The following IGSF11 variants were observed in gnomAD, a reference collection of about 807,000 sequenced individuals.
The protein encoded by IGSF11 is CXADR like 1.
In IGSF11, 22 loss-of-function variants were observed where a neutral mutation model predicts 41.0. That is an observed-to-expected ratio of 0.54 (90% CI 0.38 to 0.77). IGSF11 has a LOEUF of 0.77. Among genes scored for constraint, IGSF11 ranks in the 30% least tolerant of loss-of-function variants. The probability of loss-of-function intolerance (pLI) is 0.00; values close to 1 mark genes in which losing one functional copy is unlikely to be tolerated. For synonymous variants in IGSF11, 219 were observed against 201.3 expected (o/e 1.09, Z -0.74); for missense variants, 444 against 530.8 (o/e 0.84, Z 1.61).
intron 1 of IGSF11, among the ~76,000 whole-genome samples, chr3:119,096,254 C>A (rs1271717396): frequency 6.6e-6 from 1 of 151,862 alleles, no homozygotes; most frequent in Admixed American, 6.6e-5. Context: ...CTGGTCTACC[C>A]CTTATGGCCC....
chr3:119,055,172 A>G (rs1410980011), intron 1 of IGSF11, among the ~76,000 whole-genome samples: 1 of 152,224 alleles, frequency 6.6e-6, no homozygotes, highest in Non-Finnish European at 1.5e-5. Context: ...CCAAACACCC[A>G]TCTGTACATC....
chr3:118,980,095 C>G (rs1353868433), intron 1 of IGSF11, among the ~76,000 whole-genome samples: 1 of 152,034 alleles, frequency 6.6e-6, no homozygotes, highest in African/African-American at 2.4e-5. Flanking sequence ...CTATGGAAAA[C>G]AATATGGACA....
upstream of IGSF11, among the ~76,000 whole-genome samples, chr3:119,106,562 C>A (rs546378606): frequency 2.0e-5 from 3 of 152,164 alleles, no homozygotes; most frequent in African/African-American, 7.2e-5. Context: ...CTGAATAGTA[C>A]TCCATTGTAT....
chr3:118,967,013 G>GA (rs927973373), intron 1 of IGSF11, among the ~76,000 whole-genome samples: 30 of 151,918 alleles, frequency 2.0e-4, no homozygotes, highest in African/African-American at 7.2e-4. Flanking sequence ...GGAGAAGAAA[G>GA]AAAAAAAGAT....
intron 4 of IGSF11, among the ~76,000 whole-genome samples, chr3:118,914,402 C>T (rs908505124): frequency 6.6e-6 from 1 of 151,464 alleles, no homozygotes; most frequent in Middle Eastern, 3.2e-3. Flanking sequence ...GGTGCGCGCA[C>T]CGTGTGCGAG....
chr3:119,077,631 C>T (rs1380410503), intron 1 of IGSF11, among the ~76,000 whole-genome samples: 1 of 152,070 alleles, frequency 6.6e-6, no homozygotes, highest in Non-Finnish European at 1.5e-5. Flanking sequence ...GACAAGAATG[C>T]CTACTCTCAA....
In IGSF11 at chr3:118,901,523, T is replaced by A. The variant is rs943303609; in HGVS notation, c.*997A>T. ...ATACCTCAGTACAAAAGGCATCAGGTGCTGCCCTCATTAATAGTAACCTAC... is the reference window on the plus strand; with the variant it reads ...ATACCTCAGTACAAAAGGCATCAGGAGCTGCCCTCATTAATAGTAACCTAC... On this transcript the variant is annotated 3_prime_UTR_variant, in exon 7 of 7. Transcript: ENST00000393775. The A allele has an allele frequency of 6.6e-6, 1 of 152,136 alleles. No individual in the cohort carries two copies. Among genetic ancestry groups the A allele is most frequent in the Non-Finnish European group, 1.5e-5 (1 of 68,028 alleles). 9.4% of individuals were successfully genotyped at this position (152,136 alleles called of 1,614,324 possible). A position where few individuals can be genotyped will look rare whatever the true frequency, so the allele number is the denominator to read the frequency against.
chr3:119,015,592 GA>G (rs1023317087), intron 1 of IGSF11, among the ~76,000 whole-genome samples: 3 of 152,010 alleles, frequency 2.0e-5, no homozygotes, highest in Non-Finnish European at 4.4e-5. Flanking sequence ...AGGAACTTGA[GA>G]AAAAACAATT....
chr3:118,974,634 T>C (rs940833138), intron 1 of IGSF11, among the ~76,000 whole-genome samples: 6 of 152,216 alleles, frequency 3.9e-5, no homozygotes, highest in African/African-American at 9.7e-5. Flanking sequence ...CCACATTCCA[T>C]GACTGGCTTC....
At chr3:119,086,865 G>A (rs138497470) in intron 1 of IGSF11, among the ~76,000 whole-genome samples, 83 of 152,234 alleles carry the variant, frequency 5.5e-4, no homozygotes, top group African/African-American at 1.9e-3. Context: ...ATAACAACCA[G>A]CTAACAATAT....
intron 1 of IGSF11, among the ~76,000 whole-genome samples, chr3:119,000,273 C>G (rs1413350552): frequency 6.7e-6 from 1 of 150,370 alleles, no homozygotes; most frequent in East Asian, 1.9e-4. Flanking sequence ...TCTTTCTAAT[C>G]TTATAGCTTT....
intron 1 of IGSF11, among the ~76,000 whole-genome samples, chr3:119,004,432 T>A (rs1008335873): frequency 2.6e-5 from 4 of 151,822 alleles, no homozygotes; most frequent in African/African-American, 9.7e-5. Flanking sequence ...TTCATTGATT[T>A]TTTGAAGGGT....
At chr3:119,017,323 A>G (rs970650699) in intron 1 of IGSF11, among the ~76,000 whole-genome samples, 6 of 152,242 alleles carry the variant, frequency 3.9e-5, no homozygotes, top group African/African-American at 9.6e-5. Context: ...GAGCATCTAC[A>G]CTACAAACCT....
chr3:118,913,120 AC>A (rs1417397791), intron 4 of IGSF11, among the ~76,000 whole-genome samples: 1 of 152,106 alleles, frequency 6.6e-6, no homozygotes, highest in African/African-American at 2.4e-5. Context: ...CAAAAAAAAA[AC>A]CAGAATGCCA....
intron 1 of IGSF11, among the ~76,000 whole-genome samples, chr3:119,081,937 G>A (rs991119471): frequency 1.3e-5 from 2 of 152,114 alleles, no homozygotes; most frequent in Admixed American, 6.5e-5. Flanking sequence ...AGAAAAAAGG[G>A]AATTTGAGGC....
upstream of IGSF11, among the ~76,000 whole-genome samples, chr3:119,108,144 T>A (rs2077069770): frequency 6.6e-6 from 1 of 151,010 alleles, no homozygotes; most frequent in Non-Finnish European, 1.5e-5. Flanking sequence ...GGTAGCTTGA[T>A]GGGGATGACA....
At chr3:119,000,624 C>G (rs1936725471) in intron 1 of IGSF11, among the ~76,000 whole-genome samples, 1 of 151,624 alleles carries the variant, frequency 6.6e-6, no homozygotes, top group Admixed American at 6.6e-5. Flanking sequence ...TCTCTTTCAT[C>G]ATTATTAATC....
At chr3:119,054,070 T>C (rs1941728390) in intron 1 of IGSF11, among the ~76,000 whole-genome samples, 1 of 152,076 alleles carries the variant, frequency 6.6e-6, no homozygotes, top group Middle Eastern at 3.2e-3. Context: ...AATTCTAAAA[T>C]ATAACATCAT....
chr3:118,955,442 T>C (rs916832184), intron 1 of IGSF11, among the ~76,000 whole-genome samples: 22 of 152,118 alleles, frequency 1.4e-4, no homozygotes, highest in African/African-American at 4.3e-4. Flanking sequence ...ATAATTTTTA[T>C]GGTTTCAGGT....
Sources: allele counts gnomAD v4.1 joint callset (sites outside exome capture counted in the v4.1 genomes callset), GRCh38; gene constraint gnomAD v4.1.1; transcripts MANE v1.5; gene names NCBI Gene and HGNC (gene_info 2026-07-23, HGNC 2026-07-21).